The following HNRNPUL1 variants were observed in gnomAD, a reference collection of about 807,000 sequenced individuals.
HNRNPUL1 encodes the protein heterogeneous nuclear ribonucleoprotein U-like protein 1.
HNRNPUL1 carries 14 observed loss-of-function variants against 108.5 expected under a neutral mutation model. The ratio of observed to expected loss-of-function variants is 0.13; its 90% confidence interval spans 0.09 to 0.20. The LOEUF is 0.20. Ranked by LOEUF, HNRNPUL1 falls within the 10% of genes least tolerant of loss-of-function variation. HNRNPUL1 has a pLI of 1.00. For missense variants in HNRNPUL1, 804 were observed against 1,168.3 expected (o/e 0.69, Z 4.55); for synonymous variants, 422 against 445.2 (o/e 0.95, Z 0.66).
chr19:41,295,404 C>T (rs2036834414), intron 10 of HNRNPUL1, among the ~76,000 whole-genome samples: 1 of 152,042 alleles, frequency 6.6e-6, no homozygotes, highest in Non-Finnish European at 1.5e-5. Flanking sequence ...AGTTTTTTGT[C>T]CCTATCTTTC....
chr19:41,287,054 C>T (rs1034341268), intron 7 of HNRNPUL1, among the ~76,000 whole-genome samples: 21 of 151,816 alleles, frequency 1.4e-4, no homozygotes, highest in African/African-American at 2.7e-4. Flanking sequence ...CTTGTTCTGT[C>T]GCCCAGGCTG....
At chr19:41,282,986 G>A (rs183650410) in intron 7 of HNRNPUL1, among the ~76,000 whole-genome samples, 50 of 152,172 alleles carry the variant, frequency 3.3e-4, no homozygotes, top group Admixed American at 1.2e-3. Flanking sequence ...GAGCCACCGC[G>A]CCCGGCCATT....
intron 5 of HNRNPUL1, 48 bp downstream of exon 5, chr19:41,276,346 G>A (rs968846164): frequency 4.1e-5 from 63 of 1,550,868 alleles, no homozygotes; most frequent in Non-Finnish European, 5.1e-5. Flanking sequence ...TCCATCCATT[G>A]TAATATCCTG....
chr19:41,264,075 C>T (rs1223405537), upstream of HNRNPUL1, among the ~76,000 whole-genome samples: 1 of 152,196 alleles, frequency 6.6e-6, no homozygotes, highest in Non-Finnish European at 1.5e-5. Context: ...TTGATTGGAC[C>T]AAATTGTTAC....
intron 7 of HNRNPUL1, among the ~76,000 whole-genome samples, chr19:41,285,011 A>T (rs2036139254): frequency 6.6e-6 from 1 of 151,942 alleles, no homozygotes; most frequent in Admixed American, 6.6e-5. Context: ...AAAAAAAAAA[A>T]AAGGGCATAC....
chr19:41,302,527 A>G (rs11881940), intron 11 of HNRNPUL1, 138 bp from the exon 12 acceptor site: 16 of 1,129,506 alleles, frequency 1.4e-5, no homozygotes, highest in Admixed American at 3.6e-5. Flanking sequence ...CCTTCTGTCT[A>G]TGTCTTTCTT....
chr19:41,300,598 T>C lies in HNRNPUL1; in HGVS notation c.1519-938T>C, dbSNP rs139250858. On this transcript the variant is annotated intron_variant, in intron 10 of 14. Transcript: ENST00000392006. ...GTCCTCGTGATTCAAGTATACAGGC[T>C]GAGTCTATGGAACCCTGAATCCAAC... Among the ~76,000 whole-genome samples, 755 of 152,308 alleles carry C rather than the reference T, an allele frequency of 5.0e-3. 8 individuals are homozygous for C. The highest frequency in any genetic ancestry group is 0.017 in the African/African-American group (713 of 41,550).
intron 10 of HNRNPUL1, among the ~76,000 whole-genome samples, chr19:41,298,324 A>G (rs2037005067): frequency 1.3e-5 from 2 of 152,298 alleles, no homozygotes; most frequent in South Asian, 4.1e-4. Context: ...TTCTCTTGGA[A>G]TCAACATCTT....
chr19:41,287,065 G>C (rs2036278635), intron 7 of HNRNPUL1, among the ~76,000 whole-genome samples: 1 of 151,848 alleles, frequency 6.6e-6, no homozygotes, highest in African/African-American at 2.4e-5. Context: ...GCCCAGGCTG[G>C]AGTGCAGTGG....
intron 11 of HNRNPUL1, 82 bp downstream of exon 11, chr19:41,301,786 G>T: frequency 2.4e-6 from 3 of 1,257,742 alleles, no homozygotes; most frequent in South Asian, 3.0e-5. Context: ...GTCCTTCCCT[G>T]GCTCCCCAGT....
At position 41,306,807 on chromosome 19, in the gene HNRNPUL1, C is replaced by G; in HGVS notation, c.*242C>G. ...TTATTTTCTGTTTGTCCCCACCTCC[C>G]CAGCCTTCCACCTCCTGTTCTTCCT... On this transcript the variant is annotated 3_prime_UTR_variant, in exon 15 of 15. Coordinates refer to ENST00000392006, the MANE Select transcript of HNRNPUL1 (RefSeq NM_007040.6). 1 of 352,420 alleles carries G rather than the reference C, an allele frequency of 2.8e-6. No homozygotes were observed. Among genetic ancestry groups the G allele is most frequent in the Non-Finnish European group, 5.1e-6 (1 of 194,592 alleles). 21.8% of individuals were successfully genotyped at this position (352,420 alleles called of 1,614,324 possible).
chr19:41,304,328 G>A, intron 13 of HNRNPUL1, 67 bp downstream of exon 13: 3 of 1,530,904 alleles, frequency 2.0e-6, no homozygotes, highest in Non-Finnish European at 2.6e-6. Context: ...AGCAAGTTAG[G>A]TGGAGGCGGA....
chr19:41,302,503 G>A (rs776538328), intron 11 of HNRNPUL1, 162 bp from the exon 12 acceptor site: 21 of 904,842 alleles, frequency 2.3e-5, no homozygotes, highest in Non-Finnish European at 3.3e-5. Flanking sequence ...ACAGGCGTGA[G>A]CCACCGCGCC....
At position 41,304,238 on chromosome 19, in the gene HNRNPUL1, G is replaced by A. The variant is rs756288660; in HGVS notation, c.2239G>A (p.Val747Ile). The A allele has an allele frequency of 1.4e-5, 23 of 1,610,904 alleles. No homozygotes were observed. Among genetic ancestry groups the A allele is most frequent in the African/African-American group, 1.3e-4 (10 of 74,802 alleles). Residue 747 changes from valine (V) to isoleucine (I), a missense_variant, in exon 13 of 15, where the codon GTC becomes ATC. Coordinates refer to ENST00000392006, the MANE Select transcript of HNRNPUL1 (RefSeq NM_007040.6). ...GSSANTSTPT[V>I]SSYSPPQPSY... ...AAGCGCCAATACCAGCACCCCCACCGTCAGCAGCTACAGCCCTCCACAGGT... is the reference window on the plus strand; with the variant it reads ...AAGCGCCAATACCAGCACCCCCACCATCAGCAGCTACAGCCCTCCACAGGT...
intron 4 of HNRNPUL1, among the ~76,000 whole-genome samples, chr19:41,275,691 A>G (rs2035508470): frequency 6.6e-6 from 1 of 152,148 alleles, no homozygotes; most frequent in South Asian, 2.1e-4. Flanking sequence ...ACTCAAAGGG[A>G]GAGAGGTTGA....
At chr19:41,268,426 C>G in intron 2 of HNRNPUL1, 81 bp downstream of exon 2, 1 of 1,420,608 alleles carries the variant, frequency 7.0e-7, no homozygotes, top group Non-Finnish European at 9.5e-7. Context: ...AGCGGGTCTT[C>G]CCAGAGAAAC....
intron 7 of HNRNPUL1, 126 bp downstream of exon 7, chr19:41,281,401 C>A: frequency 1.6e-6 from 1 of 637,404 alleles, no homozygotes; most frequent in Non-Finnish European, 2.8e-6. Context: ...TTTGTCTCTG[C>A]TTGACAGACT....
upstream of HNRNPUL1, chr19:41,263,120 A>T (rs3760660): frequency 0.14 from 21,272 of 151,032 alleles, 1,657 homozygotes; most frequent in East Asian, 0.27. Flanking sequence ...TTTGTTTACG[A>T]CTGCGGGGTG....
chr19:41,305,799 C>T lies in HNRNPUL1; in HGVS notation c.2386C>T (p.Pro796Ser). The change falls in exon 14 of 15, where the codon CCC (proline) becomes TCC (serine). Residue 796 changes from proline (P) to serine (S), a missense_variant. By Grantham distance (74) the Pro-to-Ser change is moderately conservative. This residue lies in a region of HNRNPUL1 where 294 missense variants were observed against 388.3 expected (regional missense o/e 0.76). Coordinates refer to ENST00000392006, the MANE Select transcript of HNRNPUL1 (RefSeq NM_007040.6). Reference protein sequence around the residue: ...YGSYGGYNPAPYTPPPPPTAQ... With the variant: ...YGSYGGYNPASYTPPPPPTAQ... Reference sequence around the variant, plus strand: ...GAGCTACGGCGGTTACAACCCGGCCCCCTATACCCCACCGCCACCCCCCAC... The same window carrying T: ...GAGCTACGGCGGTTACAACCCGGCCTCCTATACCCCACCGCCACCCCCCAC... 6.2e-7 allele frequency: 1 copy of T among 1,611,618 alleles called. No homozygotes were observed.
Sources: allele counts gnomAD v4.1 joint callset (sites outside exome capture counted in the v4.1 genomes callset), GRCh38; gene constraint gnomAD v4.1.1; regional missense constraint gnomAD v4.1.1; transcripts MANE v1.5; gene names NCBI Gene and HGNC (gene_info 2026-07-23, HGNC 2026-07-21).